Variants in FAM204A observed in about 807,000 individuals in gnomAD.
FAM204A encodes family with sequence similarity 204 member A.
In FAM204A, 16 loss-of-function variants were observed where a neutral mutation model predicts 35.4. The observed-to-expected ratio is 0.45, with a 90% confidence interval of 0.31 to 0.69. The LOEUF is 0.69. Ranked by LOEUF, FAM204A falls within the 30% of genes least tolerant of loss-of-function variation. The pLI is 0.07. For synonymous variants in FAM204A, 76 were observed against 86.9 expected, an observed-to-expected ratio of 0.88 and a Z score of 0.70; for missense variants, 240 against 265.7, an observed-to-expected ratio of 0.90 and a Z score of 0.67.
chr10:118,317,742 T>C (rs1467552276), intron 7 of FAM204A, among the ~76,000 whole-genome samples: 2 of 152,072 alleles, frequency 1.3e-5, no homozygotes, highest in African/African-American at 4.8e-5. Flanking sequence ...ATTGTGCCAA[T>C]TGTTGATCTA....
chr10:118,300,644 C>G lies in FAM204A; in HGVS notation c.*10213G>C, dbSNP rs1845798963. ...TAAGTATATATCCACTGAGAGCTGTCTGACTCTGAAGCCAGTCCTTTAGCC... is the reference window on the plus strand; with the variant it reads ...TAAGTATATATCCACTGAGAGCTGTGTGACTCTGAAGCCAGTCCTTTAGCC... On this transcript the variant is annotated 3_prime_UTR_variant, in exon 9 of 9. Transcript: ENST00000369183. 1 of 152,204 alleles carries G rather than the reference C, an allele frequency of 6.6e-6. No individual in the cohort carries two copies. Among genetic ancestry groups the G allele is most frequent in the African/African-American group, 2.4e-5 (1 of 41,432 alleles). The allele number at this position is 152,204 out of a possible 1,614,324, so 9.4% of individuals were successfully genotyped here. A position where few individuals can be genotyped will look rare whatever the true frequency, so the allele number is the denominator to read the frequency against.
Position 118,310,733 on chromosome 10 carries a change from C to A in FAM204A, c.*124G>T. 1.2e-6 allele frequency: 1 copy of A among 810,216 alleles called. No individual in the cohort carries two copies. The highest frequency in any genetic ancestry group is 1.6e-5 in the South Asian group (1 of 63,338). 50.2% of individuals were successfully genotyped at this position (810,216 alleles called of 1,614,324 possible). On this transcript the variant is annotated 3_prime_UTR_variant, in exon 9 of 9. Coordinates refer to ENST00000369183, the MANE Select transcript of FAM204A (RefSeq NM_022063.3). ...ACTGAAAAGAGCTGATAATCAAAAT[C>A]CCAAATTTTATGCTTATTTTTGTTT...
chr10:118,311,886 G>A (rs1413201643), intron 7 of FAM204A, among the ~76,000 whole-genome samples: 2 of 152,090 alleles, frequency 1.3e-5, no homozygotes, highest in Non-Finnish European at 2.9e-5. Flanking sequence ...TGAAAAGGCT[G>A]AGCACCAGGA....
chr10:118,315,141 C>T (rs1198663267), intron 7 of FAM204A, among the ~76,000 whole-genome samples: 3 of 151,968 alleles, frequency 2.0e-5, no homozygotes, highest in Non-Finnish European at 4.4e-5. Context: ...AGCAAATGCA[C>T]GGCGACATTT....
At chr10:118,332,845 C>CTGCTGACTAATCA (rs1846314806) in intron 6 of FAM204A, among the ~76,000 whole-genome samples, 1 of 152,168 alleles carries the variant, frequency 6.6e-6, no homozygotes. Flanking sequence ...TCAATAATGA[C>CTGCTGACTAATCA]TGCTGACTAA....
At chr10:118,315,952 G>T (rs1306778850) in intron 7 of FAM204A, among the ~76,000 whole-genome samples, 1 of 152,086 alleles carries the variant, frequency 6.6e-6, no homozygotes, top group African/African-American at 2.4e-5. Context: ...AACAAAATTA[G>T]CAAAAAGTCG....
chr10:118,328,494 G>GTTTT (rs35224218), intron 6 of FAM204A, among the ~76,000 whole-genome samples: 1 of 137,666 alleles, frequency 7.3e-6, no homozygotes. Flanking sequence ...TATGTCAACT[G>GTTTT]TTTTTTTTTT....
rs930028073 is a variant in FAM204A at position 118,300,510 on chromosome 10, C to T, written c.*10347G>A. ...GATCATGGTGGTGTAGCCTAGGGCA[C>T]TGATTAACATTGGCTGAACACATAT... On this transcript the variant is annotated 3_prime_UTR_variant, in exon 9 of 9. Coordinates refer to ENST00000369183, the MANE Select transcript of FAM204A (RefSeq NM_022063.3). 2 of 152,170 alleles carry T rather than the reference C, an allele frequency of 1.3e-5. No homozygotes were observed. The highest frequency in any genetic ancestry group is 4.8e-5 in the African/African-American group (2 of 41,418). The allele number at this position is 152,170 out of a possible 1,614,324, so 9.4% of individuals were successfully genotyped here.
chr10:118,324,110 A>T (rs1286176938), intron 7 of FAM204A, among the ~76,000 whole-genome samples: 8 of 152,134 alleles, frequency 5.3e-5, no homozygotes, highest in Non-Finnish European at 2.9e-5. Context: ...GTACCTTTCT[A>T]TTCCAAAATA....
rs1284865716 is a variant in FAM204A at position 118,301,823 on chromosome 10, G to A, written c.*9034C>T. On this transcript the variant is annotated 3_prime_UTR_variant, in exon 9 of 9. Coordinates refer to ENST00000369183, the MANE Select transcript of FAM204A (RefSeq NM_022063.3). ...TACAGAGAGATTAAGTAGCCTGCCG[G>A]AGGTTACACAGCTTGTAAGTAGCAG... The A allele has an allele frequency of 1.3e-5, 2 of 152,160 alleles. No homozygotes were observed. The highest frequency in any genetic ancestry group is 2.9e-5 in the Non-Finnish European group (2 of 68,034). The allele number at this position is 152,160 out of a possible 1,614,324, so 9.4% of individuals were successfully genotyped here. A position where few individuals can be genotyped will look rare whatever the true frequency, so the allele number is the denominator to read the frequency against.
chr10:118,326,241 T>C lies in FAM204A; in HGVS notation c.456A>G (p.Ser152=). Residue 152 remains serine (S), a splice_region_variant and synonymous_variant, in exon 7 of 9, where the codon TCA becomes TCG. Coordinates refer to ENST00000369183, the MANE Select transcript of FAM204A (RefSeq NM_022063.3). ...PPVKRKKVEK[S]GLEKRIDQAV... is the part of the protein sequence containing the mutation. ...CCTGGTCTATCCTCTTTTCAAGGCC[T>C]GACTAGAAAAAAAAGAAACCTAAAA... 6.2e-7 allele frequency: 1 copy of C among 1,611,244 alleles called. No individual in the cohort carries two copies. The highest frequency in any genetic ancestry group is 8.5e-7 in the Non-Finnish European group (1 of 1,178,956).
chr10:118,315,534 T>C (rs11198360), intron 7 of FAM204A, among the ~76,000 whole-genome samples: 5,411 of 152,290 alleles, frequency 0.036, 129 homozygotes, highest in South Asian at 0.065. Context: ...AAAATATTTA[T>C]GCCATTCTCT....
At chr10:118,329,490 A>C (rs1356838465) in intron 6 of FAM204A, among the ~76,000 whole-genome samples, 1 of 152,088 alleles carries the variant, frequency 6.6e-6, no homozygotes, top group Non-Finnish European at 1.5e-5. Flanking sequence ...GAAAAATATT[A>C]ATCATCCCTT....
chr10:118,336,447 C>T, intron 2 of FAM204A, 24 bp from the exon 3 acceptor site: 1 of 1,576,346 alleles, frequency 6.3e-7, no homozygotes, highest in Non-Finnish European at 8.6e-7. Context: ...GATTAATTTA[C>T]ACATGTAGAA....
chr10:118,312,829 A>C (rs376428645), intron 7 of FAM204A, among the ~76,000 whole-genome samples: 1 of 152,194 alleles, frequency 6.6e-6, no homozygotes, highest in African/African-American at 2.4e-5. Context: ...TAAATGCATA[A>C]TTTTGCCAGG....
Position 118,310,926 on chromosome 10 carries a change from C to T in FAM204A, c.651-18G>A. The T allele has an allele frequency of 6.4e-7, 1 of 1,563,120 alleles. No homozygotes were observed. Among genetic ancestry groups the T allele is most frequent in the Non-Finnish European group, 8.7e-7 (1 of 1,152,844 alleles). ...CTTCAAACCTAAAAGGAAGAACATA[C>T]AAATCTCAATTTATTTCTTAAAAAA... On this transcript the variant is annotated intron_variant, in intron 8 of 8. Transcript: ENST00000369183.
At chr10:118,328,079 A>G (rs975608702) in intron 6 of FAM204A, among the ~76,000 whole-genome samples, 19 of 152,188 alleles carry the variant, frequency 1.2e-4, no homozygotes, top group Non-Finnish European at 2.4e-4. Flanking sequence ...CACACTCCTT[A>G]TCTCTTTGTA....
intron 7 of FAM204A, 189 bp from the exon 8 acceptor site, chr10:118,311,502 T>C (rs970103476): frequency 6.5e-5 from 35 of 536,576 alleles, no homozygotes; most frequent in Admixed American, 2.5e-4. Flanking sequence ...TGACTCCCAA[T>C]AGACCCTTTA....
chr10:118,299,391 G>GTTTTTTTTTTTTTTTTTTTTTTTTTTT lies in FAM204A; in HGVS notation c.*11465_*11466insAAAAAAAAAAAAAAAAAAAAAAAAAAA, dbSNP rs565492466. On this transcript the variant is annotated 3_prime_UTR_variant, in exon 9 of 9. Coordinates refer to ENST00000369183, the MANE Select transcript of FAM204A (RefSeq NM_022063.3). ...ACCTCCTCCTTTCTGCTTCCAGAAG[G>GTTTTTTTTTTTTTTTTTTTTTTTTTTT]TTTTTTTTTTTTTTTTTTTTTTGAG... The GTTTTTTTTTTTTTTTTTTTTTTTTTTT allele has an allele frequency of 1.0e-4, 9 of 90,274 alleles. No individual in the cohort carries two copies. The highest frequency in any genetic ancestry group is 1.6e-4 in the Non-Finnish European group (8 of 49,632). 5.6% of individuals were successfully genotyped at this position (90,274 alleles called of 1,614,324 possible). A position where few individuals can be genotyped will look rare whatever the true frequency, so the allele number is the denominator to read the frequency against.
Sources: gnomAD v4.1 joint callset for allele counts (sites outside exome capture counted in the v4.1 genomes callset) on GRCh38, gnomAD v4.1.1 for gene constraint, MANE v1.5 for transcripts, NCBI Gene and HGNC (gene_info 2026-07-23, HGNC 2026-07-21) for gene names.